Variants in NMS observed in about 807,000 individuals in gnomAD.
NMS encodes neuromedin S.
Under a neutral mutation model 32.2 loss-of-function variants are expected in NMS, and 30 were observed. The observed-to-expected ratio is 0.93, with a 90% CI of 0.70 to 1.26. NMS has a LOEUF of 1.26. Among genes scored for constraint, NMS ranks in the 50% most tolerant of loss-of-function variants. The pLI, the probability that NMS is intolerant of heterozygous loss-of-function variation, is 0.00. For synonymous variants in NMS, 76 were observed against 58.5 expected, an observed-to-expected ratio of 1.30 and a Z score of -1.37; for missense variants, 190 against 186.3, an observed-to-expected ratio of 1.02 and a Z score of -0.12.
chr2:100,481,473 C>T (rs1227159814), intron 8 of NMS, among the ~76,000 whole-genome samples: 2 of 152,168 alleles, frequency 1.3e-5, no homozygotes, highest in African/African-American at 2.4e-5. Context: ...GTCTAGGATT[C>T]GTGACCCCAA....
At chr2:100,477,727 A>G (rs1677139105) in intron 5 of NMS, among the ~76,000 whole-genome samples, 1 of 152,152 alleles carries the variant, frequency 6.6e-6, no homozygotes, top group African/African-American at 2.4e-5. Flanking sequence ...TGCTCTCTTT[A>G]CATTGTTTTT....
chr2:100,473,887 A>G (rs1208548635), intron 3 of NMS, among the ~76,000 whole-genome samples: 1 of 152,160 alleles, frequency 6.6e-6, no homozygotes, highest in Non-Finnish European at 1.5e-5. Flanking sequence ...AAAAGACTTT[A>G]CAGTAACTAG....
At position 100,481,221 on chromosome 2, in the gene NMS, C is replaced by T. The variant is rs575747341; in HGVS notation, c.414+54C>T. On this transcript the variant is annotated intron_variant, in intron 8 of 9. Transcript: ENST00000376865. Reference sequence around the variant, plus strand: ...CTAACCTCGATTCACTGCAGCCATCCCAATCATGGAGTGACTGCAAACAGC... The same window carrying T: ...CTAACCTCGATTCACTGCAGCCATCTCAATCATGGAGTGACTGCAAACAGC... 6.5e-6 allele frequency: 10 copies of T among 1,545,546 alleles called. No individual in the cohort carries two copies. The Admixed American group carries it at 1.5e-4, about 23-fold the overall frequency.
intron 7 of NMS, 152 bp from the exon 8 acceptor site, chr2:100,480,974 G>A: frequency 1.3e-6 from 1 of 779,206 alleles, no homozygotes; most frequent in Non-Finnish European, 2.2e-6. Context: ...GTCTGGATTG[G>A]GGCAAAGAGT....
intron 3 of NMS, among the ~76,000 whole-genome samples, chr2:100,476,646 A>G (rs1345554557): frequency 6.6e-6 from 1 of 151,828 alleles, no homozygotes; most frequent in African/African-American, 2.4e-5. Flanking sequence ...ACTTTATAAA[A>G]CATGGACATG....
intron 2 of NMS, 36 bp from the exon 3 acceptor site, chr2:100,473,453 A>T: frequency 7.6e-7 from 1 of 1,318,770 alleles, no homozygotes; most frequent in Non-Finnish European, 1.0e-6. Flanking sequence ...CATCCCCCTC[A>T]TCCCTTTGAT....
At chr2:100,481,540 G>T (rs902221502) in intron 8 of NMS, among the ~76,000 whole-genome samples, 5 of 152,176 alleles carry the variant, frequency 3.3e-5, no homozygotes, top group Non-Finnish European at 7.4e-5. Context: ...GGGTGACAGA[G>T]ATTCTTGCAA....
intron 5 of NMS, among the ~76,000 whole-genome samples, chr2:100,477,831 G>A (rs1222507739): frequency 6.6e-6 from 1 of 152,076 alleles, no homozygotes; most frequent in African/African-American, 2.4e-5. Flanking sequence ...TGGCTGTCGC[G>A]ATGTGTATGT....
At chr2:100,477,297 A>G in intron 4 of NMS, 30 bp downstream of exon 4, 1 of 1,611,906 alleles carries the variant, frequency 6.2e-7, no homozygotes, top group Middle Eastern at 1.6e-4. Context: ...GTACAAGTGC[A>G]TGCAGCTTCC....
At chr2:100,480,910 G>T (rs1290777158) in intron 7 of NMS, among the ~76,000 whole-genome samples, 2 of 151,270 alleles carry the variant, frequency 1.3e-5, no homozygotes, top group East Asian at 3.9e-4. Flanking sequence ...CCATGCATCA[G>T]AGTCACCTGG....
intron 3 of NMS, among the ~76,000 whole-genome samples, chr2:100,477,039 A>G (rs1225583934): frequency 2.0e-5 from 3 of 152,192 alleles, no homozygotes; most frequent in Non-Finnish European, 4.4e-5. Context: ...ATGATGATGT[A>G]TTGCTGGCAA....
rs1677119204 is a variant in NMS, at chr2:100,476,814, A to C, written c.184-430A>C. On this transcript the variant is annotated intron_variant, in intron 3 of 9. Transcript: ENST00000376865. ...ATTGGACTTTCTGCAAGGATAGCAA[A>C]AATTCATGTAGAAAGCTTTTGGAGA... Among the ~76,000 whole-genome samples, 3 of 152,220 alleles carry C rather than the reference A, an allele frequency of 2.0e-5. No individual in the cohort carries two copies. In the South Asian group the frequency reaches 6.2e-4, roughly 31 times the overall value.
intron 5 of NMS, 139 bp from the exon 6 acceptor site, chr2:100,479,214 C>G (rs1677169062): frequency 3.5e-6 from 2 of 569,120 alleles, no homozygotes; most frequent in African/African-American, 3.9e-5. Context: ...GGCTTTGGCT[C>G]AAAAATGGGT....
chr2:100,477,457 C>G, intron 5 of NMS, 43 bp downstream of exon 5: 1 of 1,425,012 alleles, frequency 7.0e-7, no homozygotes. Context: ...AAGTGGCTCT[C>G]CTCTGCATGT....
At position 100,480,293 on chromosome 2, in the gene NMS, G is replaced by A. The variant is rs939142084; in HGVS notation, c.337-203G>A. Among the ~76,000 whole-genome samples the A allele has an allele frequency of 3.9e-5, 6 of 152,238 alleles. 1 individual carries two copies. The highest frequency in any genetic ancestry group is 3.3e-4 in the Admixed American group (5 of 15,284). On this transcript the variant is annotated intron_variant, in intron 6 of 9. Coordinates refer to ENST00000376865, the MANE Select transcript of NMS (RefSeq NM_001011717.1). The stretch of plus-strand genomic sequence containing the variant: ...ACACAGATGGTAACTCAGTCAAGAC[G>A]ACAAGCTTGCCTTCTTGAGCAGGAG...
At chr2:100,479,197 A>G (rs1366573209) in intron 5 of NMS, among the ~76,000 whole-genome samples, 156 bp from the exon 6 acceptor site, 1 of 152,236 alleles carries the variant, frequency 6.6e-6, no homozygotes, top group Non-Finnish European at 1.5e-5. Flanking sequence ...GAAAACATAA[A>G]ATTTCAGGCT....
rs770742656 is a variant in NMS, at chr2:100,479,400, C to T, written c.309C>T (p.Asn103=). The change falls in exon 6 of 10, where the codon AAC becomes AAT. Residue 103 remains asparagine, a synonymous_variant. Transcript: ENST00000376865. The part of the protein sequence containing the change: ...PLMHLAAKLA[N]RRMKRILQRG... ...TGCACCTGGCTGCCAAGCTCGCCAA[C>T]AGGCGGATGAAGAGAATTCTGCAGC... 40 of 1,611,322 alleles carry T rather than the reference C, an allele frequency of 2.5e-5. No individual in the cohort carries two copies. Among genetic ancestry groups the T allele is most frequent in the Admixed American group, 5.0e-5 (3 of 59,510 alleles).
At chr2:100,479,255 G>A in intron 5 of NMS, 98 bp from the exon 6 acceptor site, 1 of 791,680 alleles carries the variant, frequency 1.3e-6, no homozygotes. Context: ...CATTTGTAAG[G>A]GAAGTGAGTA....
At chr2:100,475,237 T>G (rs1169139755) in intron 3 of NMS, among the ~76,000 whole-genome samples, 4 of 152,210 alleles carry the variant, frequency 2.6e-5, no homozygotes, top group Non-Finnish European at 5.9e-5. Flanking sequence ...GGCTTGTTGC[T>G]TCCCTGAAAT....
Sources: allele counts gnomAD v4.1 joint callset (sites outside exome capture counted in the v4.1 genomes callset), GRCh38; gene constraint gnomAD v4.1.1; transcripts MANE v1.5; gene names NCBI Gene and HGNC (gene_info 2026-07-23, HGNC 2026-07-21).